The following SLA2 variants were observed in gnomAD, a reference collection of about 807,000 sequenced individuals.
The protein encoded by SLA2 is src-like-adapter 2.
Under a neutral mutation model 27.3 loss-of-function variants are expected in SLA2, and 22 were observed. The observed-to-expected ratio is 0.81, with a 90% CI of 0.58 to 1.15. The LOEUF (loss-of-function observed/expected upper bound fraction) is 1.15, where lower values mean the gene tolerates loss of function less well. SLA2 is among the 50% of genes most tolerant of loss of function. The pLI, the probability that SLA2 is intolerant of heterozygous loss-of-function variation, is 0.00. For synonymous variants in SLA2, 131 were observed against 137.8 expected (o/e 0.95, Z 0.34); for missense variants, 304 against 322.2 (o/e 0.94, Z 0.43).
At chr20:36,624,944 T>C (rs1247665275) in intron 5 of SLA2, among the ~76,000 whole-genome samples, 1 of 151,990 alleles carries the variant, frequency 6.6e-6, no homozygotes, top group Non-Finnish European at 1.5e-5. Context: ...ATCTTCCTGT[T>C]TGGGGGGCAG....
At chr20:36,637,193 ATTTTTTTTTTTTTTTTT>A (rs1175945445) in intron 2 of SLA2, among the ~76,000 whole-genome samples, 10 of 87,990 alleles carry the variant, frequency 1.1e-4, no homozygotes, top group African/African-American at 4.2e-4. Flanking sequence ...GCGTGTGTGT[ATTTTTTTTTTTTTTTTT>A]TTTTTTTTTG....
At chr20:36,626,079 A>G (rs2039334059) in intron 5 of SLA2, among the ~76,000 whole-genome samples, 1 of 152,052 alleles carries the variant, frequency 6.6e-6, no homozygotes, top group Non-Finnish European at 1.5e-5. Context: ...AGCCAGGGCA[A>G]CATGGCAAAA....
chr20:36,614,481 ACTT>A (rs777370026), intron 6 of SLA2, 44 bp from the exon 7 acceptor site: 2 of 1,554,592 alleles, frequency 1.3e-6, no homozygotes, highest in Admixed American at 1.9e-5. Context: ...ACTCCACCCT[ACTT>A]CTCCCCAACA....
At chr20:36,633,472 G>T in intron 4 of SLA2, 71 bp downstream of exon 4, 1 of 1,324,338 alleles carries the variant, frequency 7.6e-7, no homozygotes, top group African/African-American at 1.4e-5. Flanking sequence ...GCAGAGCCGT[G>T]CACAAAGGGG....
At chr20:36,617,182 AC>A (rs1398008759) in intron 5 of SLA2, among the ~76,000 whole-genome samples, 5 of 149,908 alleles carry the variant, frequency 3.3e-5, no homozygotes, top group Non-Finnish European at 5.9e-5. Flanking sequence ...ATGTGGCGAA[AC>A]CCTGCCTCTA....
At chr20:36,621,962 G>A (rs6016060) in intron 5 of SLA2, among the ~76,000 whole-genome samples, 3,990 of 151,552 alleles carry the variant, frequency 0.026, 184 homozygotes, top group African/African-American at 0.091. Context: ...GCTGCAGTGA[G>A]CCATGACTGT....
rs149518194 is a variant in SLA2 at position 36,613,376 on chromosome 20, C to G, written c.*490G>C. The G allele has an allele frequency of 6.5e-6, 1 of 153,736 alleles. No individual in the cohort carries two copies. The highest frequency in any genetic ancestry group is 1.4e-5 in the Non-Finnish European group (1 of 69,186). The allele number at this position is 153,736 out of a possible 1,614,324, so 9.5% of individuals were successfully genotyped here. ...AGACATCATCTCAGCTTTCCTTTCC[C>G]TTCTAGGCCACAGTCCTACCTTCTG... is the stretch of plus-strand genomic sequence containing the variant. On this transcript the variant is annotated 3_prime_UTR_variant, in exon 8 of 8. Transcript: ENST00000262866.
At chr20:36,625,216 ATTTTTTTTTTTTT>A (rs71186005) in intron 5 of SLA2, among the ~76,000 whole-genome samples, 2 of 78,498 alleles carry the variant, frequency 2.5e-5, no homozygotes, top group African/African-American at 1.1e-4. Context: ...ACGTACCCTG[ATTTTTTTTTTTTT>A]TTTTTTTTTT....
intron 1 of SLA2, among the ~76,000 whole-genome samples, chr20:36,643,006 C>G (rs1978284931): frequency 6.6e-6 from 1 of 152,188 alleles, no homozygotes; most frequent in Admixed American, 6.5e-5. Flanking sequence ...AGCCATGGGA[C>G]CCAGCCTCCC....
At chr20:36,636,824 C>G (rs6028465) in intron 2 of SLA2, among the ~76,000 whole-genome samples, 147,678 of 151,054 alleles carry the variant, frequency 0.98, 72,195 homozygotes, top group East Asian at 1. Context: ...GGTGGCACGT[C>G]CCTGTAATCC....
chr20:36,616,472 A>G (rs921268492), intron 5 of SLA2, among the ~76,000 whole-genome samples: 10 of 151,586 alleles, frequency 6.6e-5, no homozygotes, highest in African/African-American at 2.4e-4. Context: ...CTGGGACTAC[A>G]GGCGCCTGCC....
chr20:36,642,119 G>T, intron 1 of SLA2, among the ~76,000 whole-genome samples: 1 of 35,950 alleles, frequency 2.8e-5, no homozygotes. Context: ...AATGAGCCAA[G>T]ATCAAGTCAC....
At chr20:36,640,736 T>C (rs2039498613) in intron 2 of SLA2, among the ~76,000 whole-genome samples, 1 of 152,120 alleles carries the variant, frequency 6.6e-6, no homozygotes, top group Non-Finnish European at 1.5e-5. Context: ...AGGCTGGTCT[T>C]GAACTCCTGA....
rs970824537 is a variant in SLA2 at position 36,612,702 on chromosome 20, T to C, written c.*1164A>G. The C allele has an allele frequency of 4.7e-6, 1 of 212,000 alleles. No individual in the cohort carries two copies. The highest frequency in any genetic ancestry group is 9.7e-6 in the Non-Finnish European group (1 of 102,918). 13.1% of individuals were successfully genotyped at this position (212,000 alleles called of 1,614,324 possible). ...CGGATCCAGCAGACCTCTTTCTGTT[T>C]ATGGAGGCAGCAGGGAAATCAAGGG... On this transcript the variant is annotated 3_prime_UTR_variant, in exon 8 of 8. Coordinates refer to ENST00000262866, the MANE Select transcript of SLA2 (RefSeq NM_032214.4).
chr20:36,645,146 C>T (rs1279448041), intron 1 of SLA2, among the ~76,000 whole-genome samples: 2 of 151,536 alleles, frequency 1.3e-5, no homozygotes, highest in Admixed American at 6.6e-5. Context: ...TCGAGACCAG[C>T]CTGGGCAACA....
chr20:36,614,085 C>A, intron 7 of SLA2, 99 bp from the exon 8 acceptor site: 1 of 1,538,702 alleles, frequency 6.5e-7, no homozygotes. Context: ...TTCACTCCTG[C>A]TGAGGACCTC....
intron 1 of SLA2, among the ~76,000 whole-genome samples, chr20:36,643,019 G>A (rs1260658023): frequency 2.0e-5 from 3 of 152,134 alleles, no homozygotes; most frequent in Admixed American, 6.6e-5. Flanking sequence ...AGCCTCCCTT[G>A]GGAAGTTTTC....
chr20:36,633,569 G>A lies in SLA2; in HGVS notation c.252C>T (p.Ser84=), dbSNP rs759535190. Residue 84 remains serine, a synonymous_variant, in exon 4 of 8, where the codon AGC becomes AGT. Transcript: ENST00000262866. The part of the protein sequence containing the change: ...EVSGREYNIP[S]VHVAKVSHGW... ...CATGGGAGACTTTGGCCACGTGGAC[G>A]CTGGGGATGTTATACTCTCTGCCTG... The A allele has an allele frequency of 1.7e-5, 28 of 1,614,128 alleles. No homozygotes were observed. The highest frequency in any genetic ancestry group is 4.5e-5 in the East Asian group (2 of 44,870).
chr20:36,621,419 T>A, intron 5 of SLA2: 1 of 543,612 alleles, frequency 1.8e-6, no homozygotes, highest in Admixed American at 2.1e-5. Flanking sequence ...AGCAGAAGGT[T>A]CTAAAAACAG....
Sources: gnomAD v4.1 joint callset for allele counts (sites outside exome capture counted in the v4.1 genomes callset) on GRCh38, gnomAD v4.1.1 for gene constraint, MANE v1.5 for transcripts, NCBI Gene and HGNC (gene_info 2026-07-23, HGNC 2026-07-21) for gene names.